The following PARD3 variants were observed in gnomAD, a reference collection of about 807,000 sequenced individuals.
PARD3 encodes the protein partitioning defective 3 homolog.
Under a neutral mutation model 155.4 loss-of-function variants are expected in PARD3, and 75 were observed. The ratio of observed to expected loss-of-function variants is 0.48; its 90% CI spans 0.40 to 0.58. The LOEUF is 0.58. PARD3 is among the 20% of genes least tolerant of loss of function. The pLI, the probability that PARD3 is intolerant of heterozygous loss-of-function variation, is 0.00. For missense variants in PARD3, 1,642 were observed against 1,721.7 expected, an observed-to-expected ratio of 0.95 and a Z score of 0.82; for synonymous variants, 576 against 610.5, an observed-to-expected ratio of 0.94 and a Z score of 0.83.
chr10:34,735,586 T>A (rs2094898340), intron 1 of PARD3, among the ~76,000 whole-genome samples: 2 of 152,132 alleles, frequency 1.3e-5, no homozygotes, highest in Admixed American at 1.3e-4. Flanking sequence ...CTGGGCTTCA[T>A]CAGCAATGAA....
chr10:34,111,305 G>A lies in PARD3; in HGVS notation c.3926C>T (p.Ser1309Leu), dbSNP rs771397760. 2.2e-5 allele frequency: 35 copies of A among 1,613,978 alleles called. No homozygotes were observed. Among genetic ancestry groups the A allele is most frequent in the Middle Eastern group, 1.6e-4 (1 of 6,062 alleles). ...PPSEGPSNYD[S>L]YKKVQDPSYA... Reference sequence around the variant, plus strand: ...ACTGGGGTCCTGGACTTTCTTATACGAGTCATAGTTGCTGGGCCCCTCGGA... The same window carrying A: ...ACTGGGGTCCTGGACTTTCTTATACAAGTCATAGTTGCTGGGCCCCTCGGA... The change falls in exon 25 of 25, where the codon TCG (serine) becomes TTG (leucine). Residue 1309 changes from serine to leucine, a missense_variant. This residue lies in a region of PARD3 where 1,529 missense variants were observed against 1,587.3 expected (regional missense o/e 0.96). Transcript: ENST00000374788.
intron 15 of PARD3, chr10:34,345,150 A>C (rs1837273809): frequency 1.0e-6 from 1 of 985,386 alleles, no homozygotes; most frequent in Non-Finnish European, 1.2e-6. Flanking sequence ...AATAGCCAAA[A>C]ACAAAGTAAA....
At chr10:34,177,393 T>G (rs1283618390) in intron 22 of PARD3, among the ~76,000 whole-genome samples, 1 of 152,116 alleles carries the variant, frequency 6.6e-6, no homozygotes, top group Non-Finnish European at 1.5e-5. Flanking sequence ...TCATTTTCAT[T>G]CATGATCTGA....
At position 34,395,633 on chromosome 10, in the gene PARD3, C is replaced by T. The variant is rs1205751579; in HGVS notation, c.890+3697G>A. Among the ~76,000 whole-genome samples, 6 of 30,572 alleles carry T rather than the reference C, an allele frequency of 2.0e-4. 2 individuals are homozygous for T. Among genetic ancestry groups the T allele is most frequent in the East Asian group, 1.2e-3 (2 of 1,642 alleles). The allele number at this position is 30,572 out of a possible 152,430, so 20.1% of individuals were successfully genotyped here. Reference sequence around the variant, plus strand: ...CGGGTGGATCATGAGGTCAGGAGATCGAGACCATCCTGGCTAACAAGGTGA... The same window carrying T: ...CGGGTGGATCATGAGGTCAGGAGATTGAGACCATCCTGGCTAACAAGGTGA... On this transcript the variant is annotated intron_variant, in intron 7 of 24. Transcript: ENST00000374788.
intron 22 of PARD3, among the ~76,000 whole-genome samples, chr10:34,191,973 A>T (rs1266249113): frequency 6.6e-6 from 1 of 152,222 alleles, no homozygotes; most frequent in Non-Finnish European, 1.5e-5. Context: ...TTGGAGGAAT[A>T]TGCCATCTGG....
At chr10:34,533,123 G>A (rs1365812174) in intron 2 of PARD3, among the ~76,000 whole-genome samples, 1 of 152,148 alleles carries the variant, frequency 6.6e-6, no homozygotes, top group Non-Finnish European at 1.5e-5. Context: ...AATCTTATGG[G>A]ACCATCATCC....
At chr10:34,778,618 G>C (rs924454032) in intron 1 of PARD3, among the ~76,000 whole-genome samples, 2 of 118,780 alleles carry the variant, frequency 1.7e-5, no homozygotes, top group Non-Finnish European at 3.8e-5. Context: ...AGACATGGTG[G>C]AGGAAAATTT....
chr10:34,460,995 T>C (rs2077615507), intron 4 of PARD3, among the ~76,000 whole-genome samples: 1 of 152,084 alleles, frequency 6.6e-6, no homozygotes, highest in African/African-American at 2.4e-5. Context: ...TTAGTGAAAA[T>C]ATTAAAACCA....
At chr10:34,384,800 G>A (rs554837352) in intron 7 of PARD3, among the ~76,000 whole-genome samples, 1 of 152,178 alleles carries the variant, frequency 6.6e-6, no homozygotes, top group Non-Finnish European at 1.5e-5. Flanking sequence ...GCTTAGTATT[G>A]TGAATTTCAA....
rs757448259 is a variant in PARD3 at position 34,810,675 on chromosome 10, G to A, written c.120+4201C>T. On this transcript the variant is annotated intron_variant, in intron 1 of 24. Coordinates refer to ENST00000374788, the MANE Select transcript of PARD3 (RefSeq NM_001184785.2). The stretch of plus-strand genomic sequence containing the variant: ...TAAGTAAACAGGAAAAATCCAAGCA[G>A]CAATAGTGGGACACCTGGGAAAGTT... Among the ~76,000 whole-genome samples, 27 of 152,192 alleles carry A rather than the reference G, an allele frequency of 1.8e-4. 1 individual carries two copies. Among genetic ancestry groups the A allele is most frequent in the Admixed American group, 9.2e-4 (14 of 15,288 alleles).
At chr10:34,372,457 T>C (rs1840787166) in intron 12 of PARD3, 41 bp downstream of exon 12, 5 of 1,507,080 alleles carry the variant, frequency 3.3e-6, no homozygotes, top group Non-Finnish European at 4.6e-6. Context: ...TCCATGTATC[T>C]TTCCAACATC....
chr10:34,361,443 A>C (rs1839430819), intron 12 of PARD3, among the ~76,000 whole-genome samples: 1 of 152,254 alleles, frequency 6.6e-6, no homozygotes, highest in Non-Finnish European at 1.5e-5. Context: ...GCTTTTACAG[A>C]ATGTTCAATA....
chr10:34,120,233 C>G (rs1013427462), intron 23 of PARD3, among the ~76,000 whole-genome samples: 1 of 137,794 alleles, frequency 7.3e-6, no homozygotes, highest in African/African-American at 2.7e-5. Flanking sequence ...CCTATGTTGT[C>G]CTGGCCTCAA....
At chr10:34,635,337 C>A (rs1432117278) in intron 2 of PARD3, among the ~76,000 whole-genome samples, 1 of 152,204 alleles carries the variant, frequency 6.6e-6, no homozygotes, top group African/African-American at 2.4e-5. Context: ...CCTGTCTGAG[C>A]GAGAGATGCC....
intron 5 of PARD3, among the ~76,000 whole-genome samples, chr10:34,433,551 A>T (rs569773553): frequency 1.0e-3 from 152 of 152,294 alleles, no homozygotes; most frequent in African/African-American, 3.6e-3. Flanking sequence ...TTCTCAGGAA[A>T]ATTAGTCCCC....
At chr10:34,667,038 C>A (rs921890530) in intron 2 of PARD3, among the ~76,000 whole-genome samples, 1 of 151,932 alleles carries the variant, frequency 6.6e-6, no homozygotes, top group Non-Finnish European at 1.5e-5. Context: ...CGTGGTGGCG[C>A]ATGCCTATAA....
chr10:34,723,673 A>G (rs935354840), intron 1 of PARD3, among the ~76,000 whole-genome samples: 4 of 152,210 alleles, frequency 2.6e-5, no homozygotes, highest in African/African-American at 9.6e-5. Flanking sequence ...CCCATTTTCC[A>G]CAGCTTGTTC....
intron 2 of PARD3, among the ~76,000 whole-genome samples, chr10:34,533,518 G>C (rs2083002706): frequency 2.0e-5 from 3 of 151,830 alleles, no homozygotes; most frequent in African/African-American, 4.9e-5. Flanking sequence ...CCAAAAATAT[G>C]ATTGCAGGCA....
chr10:34,719,488 A>T (rs2094571239), intron 1 of PARD3, among the ~76,000 whole-genome samples: 1 of 152,180 alleles, frequency 6.6e-6, no homozygotes, highest in African/African-American at 2.4e-5. Flanking sequence ...CTTCCTGTTT[A>T]TCAAAAGACT....
Sources: gnomAD v4.1 joint callset for allele counts (sites outside exome capture counted in the v4.1 genomes callset) on GRCh38, gnomAD v4.1.1 for gene constraint, gnomAD v4.1.1 regional missense constraint, MANE v1.5 for transcripts, NCBI Gene and HGNC (gene_info 2026-07-23, HGNC 2026-07-21) for gene names.